Variants in GCNT2 observed in about 807,000 individuals in gnomAD.
GCNT2 encodes N-acetyllactosaminide beta-1,6-N-acetylglucosaminyl-transferase.
A neutral mutation model predicts 34.2 loss-of-function variants in GCNT2; 34 were observed. The ratio of observed to expected loss-of-function variants is 1.00; its 90% CI spans 0.76 to 1.32. The LOEUF (loss-of-function observed/expected upper bound fraction) is 1.32, where lower values mean the gene tolerates loss of function less well. Ranked by LOEUF, GCNT2 falls within the 40% of genes most tolerant of loss-of-function variation. The pLI is 0.00. For synonymous variants in GCNT2, 212 were observed against 188.0 expected (o/e 1.13, Z -1.04); for missense variants, 584 against 489.4 (o/e 1.19, Z -1.82).
intron 3 of GCNT2, among the ~76,000 whole-genome samples, chr6:10,585,028 AGTCAGT>A (rs1269314550): frequency 8.0e-6 from 1 of 124,710 alleles, no homozygotes; most frequent in Non-Finnish European, 1.6e-5. Context: ...CTCTTCCCAT[AGTCAGT>A]GTGTGTGTGT....
At chr6:10,578,746 C>G (rs954534827) in intron 3 of GCNT2, among the ~76,000 whole-genome samples, 8 of 151,934 alleles carry the variant, frequency 5.3e-5, no homozygotes, top group African/African-American at 1.7e-4. Flanking sequence ...GCGCCCGGCC[C>G]GGAGCTTATA....
intron 3 of GCNT2, among the ~76,000 whole-genome samples, chr6:10,595,161 G>A (rs546175733): frequency 1.7e-4 from 26 of 152,258 alleles, no homozygotes; most frequent in African/African-American, 5.3e-4. Context: ...ACTATGAAAT[G>A]TGTATTATCC....
chr6:10,573,375 C>T, intron 3 of GCNT2: 4 of 811,398 alleles, frequency 4.9e-6, no homozygotes, highest in Non-Finnish European at 6.0e-6. Flanking sequence ...TTTGCTTGGG[C>T]ATTTAGTGTT....
chr6:10,556,746 T>C (rs1762726703), intron 3 of GCNT2: 2 of 1,614,092 alleles, frequency 1.2e-6, no homozygotes, highest in Non-Finnish European at 1.7e-6. Context: ...TTTGACACCT[T>C]TGCAAGGCTC....
chr6:10,614,644 A>AAAAAAAAAAG (rs1214651898), intron 3 of GCNT2, among the ~76,000 whole-genome samples: 1 of 143,936 alleles, frequency 6.9e-6, no homozygotes, highest in African/African-American at 2.7e-5. Flanking sequence ...AAAAAAAAAA[A>AAAAAAAAAAG]AGAGAAAAAG....
At chr6:10,599,626 T>C (rs1416037802) in intron 3 of GCNT2, among the ~76,000 whole-genome samples, 2 of 152,074 alleles carry the variant, frequency 1.3e-5, no homozygotes, top group African/African-American at 4.8e-5. Flanking sequence ...GACGGTAGCT[T>C]CCCCTCTCTC....
At chr6:10,586,107 A>G (rs905515693) in intron 3 of GCNT2, 1 of 1,614,214 alleles carries the variant, frequency 6.2e-7, no homozygotes. Flanking sequence ...GAACAGTTCC[A>G]GTGAAAGGTA....
rs367912474 is a variant in GCNT2, at chr6:10,529,799, C to T, written c.888C>T (p.Pro296=). 6.8e-6 allele frequency: 11 copies of T among 1,613,948 alleles called. No homozygotes were observed. Among genetic ancestry groups the T allele is most frequent in the Admixed American group, 1.7e-5 (1 of 60,002 alleles). Residue 296 remains proline, a synonymous_variant, in exon 3 of 5, where the codon CCC becomes CCT. Coordinates refer to ENST00000495262, the MANE Select transcript of GCNT2 (RefSeq NM_145649.5). ...LLSWSKDTYS[P]DEHFWVTLNR... ...CCTGGTCCAAGGACACCTACAGCCC[C>T]GACGAACATTTCTGGGTGACACTCA...
At chr6:10,621,035 T>C (rs532552529) in intron 3 of GCNT2, among the ~76,000 whole-genome samples, 10 of 152,298 alleles carry the variant, frequency 6.6e-5, no homozygotes, top group African/African-American at 2.4e-4. Flanking sequence ...CTTAGCAAGA[T>C]GCCAACCTAC....
At chr6:10,615,235 A>C (rs1765710105) in intron 3 of GCNT2, among the ~76,000 whole-genome samples, 1 of 152,184 alleles carries the variant, frequency 6.6e-6, no homozygotes, top group Admixed American at 6.5e-5. Context: ...AGAGCTACTC[A>C]CACTTGATCA....
In GCNT2 at chr6:10,626,440, A is replaced by G; in HGVS notation, c.1042A>G (p.Ile348Val). 1.2e-6 allele frequency: 2 copies of G among 1,613,332 alleles called. No individual in the cohort carries two copies. Among genetic ancestry groups the G allele is most frequent in the East Asian group, 2.2e-5 (1 of 44,884 alleles). ...AGGCCACTATGTACATGGTATTTGTATCTATGGAAACGGAGACTTAAAGTG... is the reference window on the plus strand; with the variant it reads ...AGGCCACTATGTACATGGTATTTGTGTCTATGGAAACGGAGACTTAAAGTG... ...CHGHYVHGIC[I>V]YGNGDLKWLV... The change falls in exon 5 of 5, where the codon ATC becomes GTC. Residue 348 changes from isoleucine to valine, a missense_variant. Transcript: ENST00000495262.
chr6:10,588,950 T>A (rs1272725991), intron 3 of GCNT2, among the ~76,000 whole-genome samples: 2 of 138,570 alleles, frequency 1.4e-5, no homozygotes, highest in Non-Finnish European at 3.1e-5. Flanking sequence ...TGTGTGTGTT[T>A]GTAGTGTGTG....
chr6:10,533,018 T>A (rs1380007142), intron 3 of GCNT2, among the ~76,000 whole-genome samples: 1 of 146,032 alleles, frequency 6.8e-6, no homozygotes, highest in South Asian at 2.3e-4. Flanking sequence ...GTAAAGTAAC[T>A]AGTCCAGGCC....
Position 10,563,741 on chromosome 6 carries a change from C to T in GCNT2, c.925+33905C>T, listed in dbSNP as rs1260869670. 1.8e-4 allele frequency among the ~76,000 whole-genome samples: 13 copies of T among 70,848 alleles called. No homozygotes were observed. In the Admixed American group the frequency reaches 3.0e-3, roughly 16 times the overall value. The allele number at this position is 70,848 out of a possible 152,430, so 46.5% of individuals were successfully genotyped here. A position where few individuals can be genotyped will look rare whatever the true frequency, so the allele number is the denominator to read the frequency against. On this transcript the variant is annotated intron_variant, in intron 3 of 4. Coordinates refer to ENST00000495262, the MANE Select transcript of GCNT2 (RefSeq NM_145649.5). ...TGGGTGACAGAGTGAGACTCCATCT[C>T]AAAAAAAGAAAAAAGAAAAAAAAAA... is the stretch of plus-strand genomic sequence containing the variant.
At chr6:10,579,222 C>T (rs76246380) in intron 3 of GCNT2, among the ~76,000 whole-genome samples, 1,970 of 152,230 alleles carry the variant, frequency 0.013, 44 homozygotes, top group African/African-American at 0.044. Context: ...AACCTCTAGT[C>T]TTACAAAACT....
rs1354565368 is a variant in GCNT2, at chr6:10,589,166, T to TGTG, written c.926-32184_926-32182dup. ...GTGGTGTGGGTGTGTGTGCGTGTGG[T>TGTG]GTGTGTGTGGTGTATGTGCGTCATG... is the stretch of plus-strand genomic sequence containing the variant. On this transcript the variant is annotated intron_variant, in intron 3 of 4. Transcript: ENST00000495262. Among the ~76,000 whole-genome samples, 70 of 104,100 alleles carry TGTG rather than the reference T, an allele frequency of 6.7e-4. 2 individuals carry two copies. In the South Asian group the frequency reaches 0.016, roughly 24 times the overall value. 68.3% of individuals were successfully genotyped at this position (104,100 alleles called of 152,430 possible).
chr6:10,582,482 ATATAC>A (rs561732803), intron 3 of GCNT2, among the ~76,000 whole-genome samples: 7,461 of 110,344 alleles, frequency 0.068, 877 homozygotes, highest in African/African-American at 0.24. Context: ...ATACTATAAT[ATATAC>A]TATAATATAT....
intron 3 of GCNT2, among the ~76,000 whole-genome samples, chr6:10,570,532 T>A (rs1176733441): frequency 6.6e-6 from 1 of 152,232 alleles, no homozygotes; most frequent in Non-Finnish European, 1.5e-5. Context: ...TAAATTTAGC[T>A]TCGTGCTACC....
At chr6:10,534,540 C>G (rs906964491) in intron 3 of GCNT2, among the ~76,000 whole-genome samples, 21 of 152,098 alleles carry the variant, frequency 1.4e-4, no homozygotes, top group Non-Finnish European at 2.5e-4. Flanking sequence ...TGAGGATCCC[C>G]GTTCTCATTC....
Sources: allele counts gnomAD v4.1 joint callset (sites outside exome capture counted in the v4.1 genomes callset), GRCh38; gene constraint gnomAD v4.1.1; transcripts MANE v1.5; gene names NCBI Gene and HGNC (gene_info 2026-07-23, HGNC 2026-07-21).